Variants in RAD51B observed in about 807,000 individuals in gnomAD.
RAD51B encodes the protein DNA repair protein RAD51 homolog 2.
Under a neutral mutation model 42.2 loss-of-function variants are expected in RAD51B, and 38 were observed. That is an observed-to-expected ratio of 0.90 (90% CI 0.70 to 1.18). RAD51B has a LOEUF of 1.18. RAD51B is among the 50% of genes most tolerant of loss of function. The pLI is 0.00. For synonymous variants in RAD51B, 154 were observed against 145.2 expected, an observed-to-expected ratio of 1.06 and a Z score of -0.43; for missense variants, 373 against 400.7, an observed-to-expected ratio of 0.93 and a Z score of 0.59.
chr14:68,197,626 TTA>T (rs1442640680), intron 7 of RAD51B, among the ~76,000 whole-genome samples: 6 of 152,134 alleles, frequency 3.9e-5, no homozygotes, highest in African/African-American at 1.4e-4. Context: ...TATAAAATAA[TTA>T]TGTTTGTTCT....
intron 10 of RAD51B, among the ~76,000 whole-genome samples, chr14:68,637,596 G>C (rs186709539): frequency 1.9e-4 from 29 of 152,320 alleles, no homozygotes; most frequent in Admixed American, 1.8e-3. Context: ...CAGCACAAAG[G>C]CAGCAAGATT....
At chr14:68,518,122 G>A (rs934412204) in intron 10 of RAD51B, among the ~76,000 whole-genome samples, 2 of 152,208 alleles carry the variant, frequency 1.3e-5, no homozygotes, top group African/African-American at 4.8e-5. Context: ...TTGTTCAAAT[G>A]GTCATGGCAC....
intron 7 of RAD51B, among the ~76,000 whole-genome samples, chr14:67,926,558 CTTTTTTTTT>C (rs534207569): frequency 2.3e-5 from 2 of 85,112 alleles, no homozygotes; most frequent in East Asian, 3.1e-4. Context: ...GATATGTTTC[CTTTTTTTTT>C]TTTTTTTTTT....
At chr14:68,678,825 A>G (rs979964187) in intron 11 of RAD51B, among the ~76,000 whole-genome samples, 1 of 152,130 alleles carries the variant, frequency 6.6e-6, no homozygotes, top group Non-Finnish European at 1.5e-5. Context: ...GTTGAACATG[A>G]TAGTGTATAC....
At chr14:67,961,627 A>G (rs2074669776) in intron 7 of RAD51B, among the ~76,000 whole-genome samples, 1 of 152,228 alleles carries the variant, frequency 6.6e-6, no homozygotes, top group South Asian at 2.1e-4. Flanking sequence ...TCCTGTGAGA[A>G]GCAAACATCT....
chr14:68,295,193 G>A (rs989254308), intron 8 of RAD51B, among the ~76,000 whole-genome samples: 1 of 152,206 alleles, frequency 6.6e-6, no homozygotes, highest in African/African-American at 2.4e-5. Context: ...GGCCCTTGGG[G>A]TGTACTTCTC....
chr14:68,457,413 T>C (rs1013956491), intron 9 of RAD51B, among the ~76,000 whole-genome samples: 6 of 152,314 alleles, frequency 3.9e-5, no homozygotes, highest in Admixed American at 3.9e-4. Context: ...GCAGTAGTTA[T>C]AGGGAAATAT....
intron 8 of RAD51B, among the ~76,000 whole-genome samples, chr14:68,320,340 T>C (rs2082134981): frequency 6.6e-6 from 1 of 152,250 alleles, no homozygotes; most frequent in Non-Finnish European, 1.5e-5. Context: ...AAGAAAGCCC[T>C]GAAACTTTAT....
chr14:68,093,992 A>C (rs921738541), intron 7 of RAD51B, among the ~76,000 whole-genome samples: 6 of 152,124 alleles, frequency 3.9e-5, no homozygotes, highest in Non-Finnish European at 7.3e-5. Flanking sequence ...CTGCTGCCCT[A>C]CTTCTTTGCC....
chr14:67,894,499 T>G (rs1192119914), intron 7 of RAD51B, among the ~76,000 whole-genome samples: 1 of 152,222 alleles, frequency 6.6e-6, no homozygotes, highest in Non-Finnish European at 1.5e-5. Flanking sequence ...ATAATAAAGA[T>G]GAATAAAACA....
intron 7 of RAD51B, among the ~76,000 whole-genome samples, chr14:68,240,812 G>A (rs1184515816): frequency 2.0e-5 from 3 of 152,300 alleles, no homozygotes; most frequent in East Asian, 1.9e-4. Flanking sequence ...ATTATCTTAC[G>A]CTTTTGTTGG....
downstream of RAD51B, among the ~76,000 whole-genome samples, chr14:68,614,418 A>G (rs1355473569): frequency 6.6e-6 from 1 of 152,218 alleles, no homozygotes; most frequent in Non-Finnish European, 1.5e-5. Flanking sequence ...CATGATTTTT[A>G]GTATATTCAC....
chr14:68,571,664 G>C (rs905295755), intron 10 of RAD51B, among the ~76,000 whole-genome samples: 1 of 152,134 alleles, frequency 6.6e-6, no homozygotes, highest in African/African-American at 2.4e-5. Flanking sequence ...CCTTTTTCCT[G>C]TCAGGGAACA....
intron 10 of RAD51B, among the ~76,000 whole-genome samples, chr14:68,533,012 T>C (rs1268595707): frequency 6.6e-6 from 1 of 152,126 alleles, no homozygotes; most frequent in Non-Finnish European, 1.5e-5. Flanking sequence ...AGATGATACC[T>C]ACTATCACCC....
At chr14:68,226,529 C>G (rs1170821315) in intron 7 of RAD51B, among the ~76,000 whole-genome samples, 1 of 152,130 alleles carries the variant, frequency 6.6e-6, no homozygotes, top group African/African-American at 2.4e-5. Flanking sequence ...GTAAATAAGT[C>G]TCACAAGATC....
chr14:67,995,258 G>A (rs1171249166), intron 7 of RAD51B, among the ~76,000 whole-genome samples: 3 of 151,902 alleles, frequency 2.0e-5, no homozygotes, highest in South Asian at 2.1e-4. Flanking sequence ...TGGTTGGCAC[G>A]CACCTGTAGT....
At chr14:67,971,194 GA>G (rs1158877449) in intron 7 of RAD51B, among the ~76,000 whole-genome samples, 1 of 152,012 alleles carries the variant, frequency 6.6e-6, no homozygotes, top group Admixed American at 6.6e-5. Flanking sequence ...ATTTTGAATT[GA>G]TATTGTTAGG....
chr14:67,924,460 C>T (rs1259702756), intron 7 of RAD51B, among the ~76,000 whole-genome samples: 3 of 152,122 alleles, frequency 2.0e-5, no homozygotes, highest in Admixed American at 2.0e-4. Context: ...CGAGACTGGG[C>T]AATTTACAAA....
intron 4 of RAD51B, among the ~76,000 whole-genome samples, chr14:67,851,560 G>A (rs144986895): frequency 1.3e-5 from 2 of 152,232 alleles, no homozygotes; most frequent in East Asian, 3.9e-4. Context: ...AAGGGTAGCT[G>A]CTGGCACTGG....
Sources: allele counts gnomAD v4.1 joint callset (sites outside exome capture counted in the v4.1 genomes callset), GRCh38; gene constraint gnomAD v4.1.1; transcripts MANE v1.5; gene names NCBI Gene and HGNC (gene_info 2026-07-23, HGNC 2026-07-21).